Variants in CLDN11 observed in about 807,000 individuals in gnomAD.
The protein encoded by CLDN11 is claudin 11.
In CLDN11, 1 loss-of-function variant was observed where a neutral mutation model predicts 18.0. That is an observed-to-expected ratio of 0.06 (90% CI 0.02 to 0.26). The LOEUF is 0.26. Among genes scored for constraint, CLDN11 ranks in the 10% least tolerant of loss-of-function variants. The pLI is 1.00. For missense variants in CLDN11, 172 were observed against 276.6 expected (o/e 0.62, Z 2.68); for synonymous variants, 116 against 121.5 (o/e 0.96, Z 0.30).
In CLDN11 at chr3:170,419,034, G is replaced by C. The variant is rs1009787281; in HGVS notation, c.-33G>C. 6.7e-7 allele frequency: 1 copy of C among 1,491,910 alleles called. No individual in the cohort carries two copies. The highest frequency in any genetic ancestry group is 2.5e-5 in the East Asian group (1 of 40,606). The allele number at this position is 1,491,910 out of a possible 1,614,324, so 92.4% of individuals were successfully genotyped here. A position where few individuals can be genotyped will look rare whatever the true frequency, so the allele number is the denominator to read the frequency against. ...AGCCCAGGCCCAGGCACAGCCGTGA[G>C]GGGCGAGGCACGGGGACATCCTGGC... On this transcript the variant is annotated 5_prime_UTR_variant, in exon 1 of 3. Coordinates refer to ENST00000064724, the MANE Select transcript of CLDN11 (RefSeq NM_005602.6). This position sits in a 1 kb window ranked among gnomAD's most constrained non-coding sequence, Gnocchi z 8.6.
intron 2 of CLDN11, among the ~76,000 whole-genome samples, chr3:170,427,221 A>G (rs957348597): frequency 6.6e-6 from 1 of 152,216 alleles, no homozygotes; most frequent in African/African-American, 2.4e-5. Context: ...GAAATCTTAG[A>G]TAGCATATCA....
chr3:170,427,244 T>C (rs557111769), intron 2 of CLDN11, among the ~76,000 whole-genome samples: 1 of 152,362 alleles, frequency 6.6e-6, no homozygotes, highest in Non-Finnish European at 1.5e-5. Context: ...AAAGATTTTT[T>C]TCGCTATTAC....
chr3:170,423,596 C>T (rs1408381042), intron 2 of CLDN11: 3 of 428,252 alleles, frequency 7.0e-6, no homozygotes, highest in African/African-American at 2.0e-5. Context: ...AAGGGAAAGA[C>T]CTGAAAGATG....
At position 170,432,840 on chromosome 3, in the gene CLDN11, A is replaced by G. The variant is rs570294180; in HGVS notation, c.*84A>G. On this transcript the variant is annotated 3_prime_UTR_variant, in exon 3 of 3. Coordinates refer to ENST00000064724, the MANE Select transcript of CLDN11 (RefSeq NM_005602.6). ...TGCTCGTCACAGTGTGGGGAAGCCC[A>G]TTCCTCTGCCAGGCTCTAAAGCCAA... 14 of 1,335,424 alleles carry G rather than the reference A, an allele frequency of 1.0e-5. No individual in the cohort carries two copies. The Admixed American group carries it at 1.6e-4, about 15-fold the overall frequency. 82.7% of individuals were successfully genotyped at this position (1,335,424 alleles called of 1,614,324 possible). A position where few individuals can be genotyped will look rare whatever the true frequency, so the allele number is the denominator to read the frequency against.
Position 170,432,945 on chromosome 3 carries a change from G to T in CLDN11, c.*189G>T, listed in dbSNP as rs1739038625. On this transcript the variant is annotated 3_prime_UTR_variant, in exon 3 of 3. Coordinates refer to ENST00000064724, the MANE Select transcript of CLDN11 (RefSeq NM_005602.6). ...CCCCCATCTTTTGGTTGCCTTAAAA[G>T]AAATCTCTAGCTCAGATAATGCCCA... The T allele has an allele frequency of 5.0e-6, 3 of 600,384 alleles. No homozygotes were observed. Among genetic ancestry groups the T allele is most frequent in the Non-Finnish European group, 8.8e-6 (3 of 339,958 alleles). The allele number at this position is 600,384 out of a possible 1,614,324, so 37.2% of individuals were successfully genotyped here. A position where few individuals can be genotyped will look rare whatever the true frequency, so the allele number is the denominator to read the frequency against.
intron 2 of CLDN11, among the ~76,000 whole-genome samples, chr3:170,431,014 T>C (rs1738990996): frequency 6.6e-6 from 1 of 152,186 alleles, no homozygotes; most frequent in Admixed American, 6.5e-5. Context: ...CATATATCTA[T>C]ACCCAGCTTG....
At position 170,419,610 on chromosome 3, in the gene CLDN11, C is replaced by T. The variant is rs1156407639; in HGVS notation, c.226+318C>T. Among the ~76,000 whole-genome samples the T allele has an allele frequency of 1.3e-5, 2 of 152,268 alleles. No homozygotes were observed. Among genetic ancestry groups the T allele is most frequent in the East Asian group, 1.9e-4 (1 of 5,194 alleles). The stretch of plus-strand genomic sequence containing the variant: ...TGTTAATTACTGCGGTCCCAGCCCG[C>T]ATCCTTCCACCGTCCGCTTCCCGAA... On this transcript the variant is annotated intron_variant, in intron 1 of 2. Transcript: ENST00000064724. The surrounding 1 kb of genome is among the most constrained non-coding windows in gnomAD (Gnocchi z 8.6).
chr3:170,432,803 GGGCCCTAGGTTTGCTC>G lies in CLDN11; in HGVS notation c.*49_*64del, dbSNP rs755927953. On this transcript the variant is annotated 3_prime_UTR_variant, in exon 3 of 3. Coordinates refer to ENST00000064724, the MANE Select transcript of CLDN11 (RefSeq NM_005602.6). ...AGAGGTGCTGTAGATGCTGGGCCCAGGGCCCTAGGTTTGCTCGTCACAGTGTGGGGAAGCCCATTCC... is the reference window on the plus strand; with the variant it reads ...AGAGGTGCTGTAGATGCTGGGCCCAGGTCACAGTGTGGGGAAGCCCATTCC... 1.1e-5 allele frequency: 18 copies of G among 1,577,062 alleles called. No homozygotes were observed. In the African/African-American group the frequency reaches 1.5e-4, roughly 13 times the overall value.
rs1169593153 is a variant in CLDN11, at chr3:170,433,866, A to G, written c.*1110A>G. 3 of 152,626 alleles carry G rather than the reference A, an allele frequency of 2.0e-5. No individual in the cohort carries two copies. Among genetic ancestry groups the G allele is most frequent in the African/African-American group, 7.2e-5 (3 of 41,454 alleles). The allele number at this position is 152,626 out of a possible 1,614,324, so 9.5% of individuals were successfully genotyped here. On this transcript the variant is annotated 3_prime_UTR_variant, in exon 3 of 3. Transcript: ENST00000064724. ...ATGTAGTTTTTAATCGTACATTTTCATATGCTTCAAACTAACACATTTTTA... is the reference window on the plus strand; with the variant it reads ...ATGTAGTTTTTAATCGTACATTTTCGTATGCTTCAAACTAACACATTTTTA...
rs1738653915 is a variant in CLDN11 at position 170,418,990 on chromosome 3, A to T, written c.-77A>T. The T allele has an allele frequency of 9.1e-7, 1 of 1,095,828 alleles. No individual in the cohort carries two copies. Among genetic ancestry groups the T allele is most frequent in the East Asian group, 2.6e-5 (1 of 38,114 alleles). The allele number at this position is 1,095,828 out of a possible 1,614,324, so 67.9% of individuals were successfully genotyped here. A position where few individuals can be genotyped will look rare whatever the true frequency, so the allele number is the denominator to read the frequency against. On this transcript the variant is annotated 5_prime_UTR_variant, in exon 1 of 3. Coordinates refer to ENST00000064724, the MANE Select transcript of CLDN11 (RefSeq NM_005602.6). This position sits in a 1 kb window ranked among gnomAD's most constrained non-coding sequence, Gnocchi z 4.3. ...AGCGGCTCGCGAGCGTGGGAGACGT[A>T]CCTGGGCAGGCACTGTCCAGCCCAG...
rs961960458 is a variant in CLDN11, at chr3:170,419,702, G to A, written c.226+410G>A. Among the ~76,000 whole-genome samples, 2 of 152,228 alleles carry A rather than the reference G, an allele frequency of 1.3e-5. No individual in the cohort carries two copies. Among genetic ancestry groups the A allele is most frequent in the African/African-American group, 4.8e-5 (2 of 41,460 alleles). ...CTTCGCGTTAGGTTCCGCCCGCAGA[G>A]GTGAGAAGGAGCGTGTAACACAAGC... On this transcript the variant is annotated intron_variant, in intron 1 of 2. Transcript: ENST00000064724. This position sits in a 1 kb window ranked among gnomAD's most constrained non-coding sequence, Gnocchi z 8.6.
At chr3:170,426,107 A>G (rs1445682604) in intron 2 of CLDN11, among the ~76,000 whole-genome samples, 2 of 152,174 alleles carry the variant, frequency 1.3e-5, no homozygotes, top group African/African-American at 4.8e-5. Context: ...CATTCGACCA[A>G]AGAAGATGAG....
chr3:170,421,206 C>G, intron 1 of CLDN11: 1 of 814,990 alleles, frequency 1.2e-6, no homozygotes, highest in Non-Finnish European at 1.5e-6. Flanking sequence ...CTCCCTCATA[C>G]TTTGGGTGGA....
intron 2 of CLDN11, among the ~76,000 whole-genome samples, chr3:170,426,608 C>T (rs1738861179): frequency 6.6e-6 from 1 of 152,174 alleles, no homozygotes; most frequent in Admixed American, 6.5e-5. Context: ...ATAACGCCTG[C>T]TTCTCAGGTT....
In CLDN11 at chr3:170,427,787, C is replaced by T. The variant is rs550804113; in HGVS notation, c.391+4460C>T. On this transcript the variant is annotated intron_variant, in intron 2 of 2. Coordinates refer to ENST00000064724, the MANE Select transcript of CLDN11 (RefSeq NM_005602.6). ...TCATGCCACTGCACTCCAGCCTGGGCGACAGAGTGAGACTGTCTCAAAAAA... is the reference window on the plus strand; with the variant it reads ...TCATGCCACTGCACTCCAGCCTGGGTGACAGAGTGAGACTGTCTCAAAAAA... Among the ~76,000 whole-genome samples the T allele has an allele frequency of 8.4e-4, 110 of 130,734 alleles. 1 individual carries two copies. The highest frequency in any genetic ancestry group is 2.8e-3 in the African/African-American group (97 of 34,096). The allele number at this position is 130,734 out of a possible 152,430, so 85.8% of individuals were successfully genotyped here.
At position 170,434,499 on chromosome 3, in the gene CLDN11, C is replaced by T. The variant is rs777195482; in HGVS notation, c.*1743C>T. Among the ~76,000 whole-genome samples, 5 of 152,068 alleles carry T rather than the reference C, an allele frequency of 3.3e-5. No homozygotes were observed. The highest frequency in any genetic ancestry group is 7.4e-5 in the Non-Finnish European group (5 of 68,006). ...TTATTGGATCTTTAAGTAATAATAT[C>T]TAAATACATTTCGTTCAAACATACA... is the stretch of plus-strand genomic sequence containing the variant. On this transcript the variant is annotated 3_prime_UTR_variant, in exon 3 of 3. Coordinates refer to ENST00000064724, the MANE Select transcript of CLDN11 (RefSeq NM_005602.6).
Position 170,420,897 on chromosome 3 carries a change from A to G in CLDN11, c.226+1605A>G, listed in dbSNP as rs73879200. Among the ~76,000 whole-genome samples, 782 of 152,196 alleles carry G rather than the reference A, an allele frequency of 5.1e-3. 6 individuals are homozygous for G. Among genetic ancestry groups the G allele is most frequent in the African/African-American group, 0.018 (731 of 41,504 alleles). On this transcript the variant is annotated intron_variant, in intron 1 of 2. Coordinates refer to ENST00000064724, the MANE Select transcript of CLDN11 (RefSeq NM_005602.6). Reference sequence around the variant, plus strand: ...TCTTTTAAAAGTTAAAATCAGATCAACCACCCATCTTTCACGATTATTTGA... The same window carrying G: ...TCTTTTAAAAGTTAAAATCAGATCAGCCACCCATCTTTCACGATTATTTGA...
intron 2 of CLDN11, among the ~76,000 whole-genome samples, chr3:170,424,869 A>C (rs1738808989): frequency 6.6e-6 from 1 of 152,078 alleles, no homozygotes; most frequent in East Asian, 1.9e-4. Context: ...ACCATTTTCC[A>C]GGATTGCAAA....
chr3:170,432,044 A>C (rs978714849), intron 2 of CLDN11, among the ~76,000 whole-genome samples: 1 of 152,202 alleles, frequency 6.6e-6, no homozygotes, highest in Non-Finnish European at 1.5e-5. Context: ...TCAGCCATTC[A>C]ACTGGTCTAC....
Sources: gnomAD v4.1 joint callset for allele counts (sites outside exome capture counted in the v4.1 genomes callset) on GRCh38, gnomAD v4.1.1 for gene constraint, Gnocchi (gnomAD v3.1) non-coding constraint, MANE v1.5 for transcripts, NCBI Gene and HGNC (gene_info 2026-07-23, HGNC 2026-07-21) for gene names.